Variants in CNBD2 observed in about 807,000 individuals in gnomAD.
CNBD2 encodes the protein cyclic nucleotide binding domain containing 2, also known as cyclic nucleotide-binding domain-containing protein 2.
In CNBD2, 64 loss-of-function variants were observed where a neutral mutation model predicts 63.7. The ratio of observed to expected loss-of-function variants is 1.00; its 90% CI spans 0.82 to 1.24. The LOEUF is 1.24. Ranked by LOEUF, CNBD2 falls within the 50% of genes most tolerant of loss-of-function variation. The probability of loss-of-function intolerance (pLI) is 0.00; values close to 1 mark genes in which losing one functional copy is unlikely to be tolerated. For missense variants in CNBD2, 691 were observed against 713.5 expected (o/e 0.97, Z 0.36); for synonymous variants, 229 against 255.4 (o/e 0.90, Z 0.99).
In CNBD2 at chr20:35,995,148, G is replaced by C. The variant is rs763280853; in HGVS notation, c.966G>C (p.Leu322=). Residue 322 remains leucine (L), a synonymous_variant, in exon 8 of 12, where the codon CTG becomes CTC. Transcript: ENST00000373973. Reference sequence around the variant, plus strand: ...ATGGCAGACCTCTGAAGACCCACCTGAGTGGTAAGCTGCCTTGGCCTGTCT... The same window carrying C: ...ATGGCAGACCTCTGAAGACCCACCTCAGTGGTAAGCTGCCTTGGCCTGTCT... ...LIDGRPLKTH[L]SEYSPMERFK... is the part of the protein sequence containing the mutation. 5.1e-5 allele frequency: 82 copies of C among 1,611,614 alleles called. No individual in the cohort carries two copies. Among genetic ancestry groups the C allele is most frequent in the Non-Finnish European group, 6.7e-5 (79 of 1,178,240 alleles).
chr20:35,975,146 C>T (rs1382072776), intron 2 of CNBD2, among the ~76,000 whole-genome samples: 1 of 134,590 alleles, frequency 7.4e-6, no homozygotes, highest in East Asian at 2.1e-4. Context: ...GGACTACAGG[C>T]GCCCGCTACC....
chr20:35,984,634 A>G lies in CNBD2; in HGVS notation c.572A>G (p.Asp191Gly). The G allele has an allele frequency of 6.2e-7, 1 of 1,614,124 alleles. No individual in the cohort carries two copies. Among genetic ancestry groups the G allele is most frequent in the South Asian group, 1.1e-5 (1 of 91,066 alleles). Residue 191 changes from aspartate to glycine, a missense_variant, in exon 6 of 12, where the codon GAC becomes GGC. Transcript: ENST00000373973. The stretch of plus-strand genomic sequence containing the variant: ...GCCCTGTCCACCCAACAGGAAATGG[A>G]CGTTCTGCATGCTTCAGTGAGGAGG... ...LHKGSCFGEM[D>G]VLHASVRRST...
At chr20:36,010,715 A>T (rs1172333429) in intron 9 of CNBD2, among the ~76,000 whole-genome samples, 2 of 151,980 alleles carry the variant, frequency 1.3e-5, no homozygotes, top group Non-Finnish European at 2.9e-5. Flanking sequence ...GTGAGCAGAG[A>T]TCCCATCAGT....
intron 11 of CNBD2, among the ~76,000 whole-genome samples, 187 bp downstream of exon 11, chr20:36,023,958 C>T (rs6142483): frequency 4.6e-5 from 7 of 152,192 alleles, no homozygotes; most frequent in African/African-American, 1.7e-4. Context: ...ATTTCAAGTG[C>T]TATAAAACTG....
intron 1 of CNBD2, among the ~76,000 whole-genome samples, chr20:35,969,841 T>C (rs150329815): frequency 6.6e-6 from 1 of 152,356 alleles, no homozygotes; most frequent in East Asian, 1.9e-4. Flanking sequence ...ATTCTTCCAT[T>C]GTGAAGTACA....
rs200105814 is a variant in CNBD2, at chr20:35,995,036, A to G, written c.856-2A>G. 32 of 1,611,748 alleles carry G rather than the reference A, an allele frequency of 2.0e-5. No individual in the cohort carries two copies. The Admixed American group carries it at 3.3e-4, about 17-fold the overall frequency. On this transcript the variant is annotated splice_acceptor_variant, in intron 7 of 11. Transcript: ENST00000373973. LOFTEE classifies it high-confidence loss of function. ...TTTTCCTATGTCCCTTGCTGTGTTC[A>G]GGGCAGCTGTGAAGTCCTGCGGCTG...
intron 8 of CNBD2, among the ~76,000 whole-genome samples, chr20:36,003,343 G>A (rs918566251): frequency 6.6e-6 from 1 of 152,068 alleles, no homozygotes; most frequent in African/African-American, 2.4e-5. Flanking sequence ...TAGGATGCTA[G>A]AAAATGTGAA....
At chr20:35,986,092 A>G (rs2056663762) in intron 6 of CNBD2, among the ~76,000 whole-genome samples, 1 of 152,236 alleles carries the variant, frequency 6.6e-6, no homozygotes, top group Non-Finnish European at 1.5e-5. Flanking sequence ...ATGTGCATGA[A>G]AGGCCACGTA....
chr20:35,965,183 C>CTTTT, upstream of CNBD2, among the ~76,000 whole-genome samples: 1 of 138,040 alleles, frequency 7.2e-6, no homozygotes, highest in South Asian at 2.3e-4. Flanking sequence ...CCCTCTCTCT[C>CTTTT]TTTTTTTTTT....
At chr20:35,994,996 CTTAGGGG>C in intron 7 of CNBD2, 35 bp from the exon 8 acceptor site, 2 of 1,413,518 alleles carry the variant, frequency 1.4e-6, no homozygotes, top group Non-Finnish European at 2.0e-6. Context: ...TACCTGGAGC[CTTAGGGG>C]TTAACCCTTT....
chr20:35,992,918 C>CA (rs1046153812), intron 7 of CNBD2, among the ~76,000 whole-genome samples: 1 of 151,924 alleles, frequency 6.6e-6, no homozygotes, highest in Non-Finnish European at 1.5e-5. Flanking sequence ...CACTAGAGGG[C>CA]AAAATCAGCT....
intron 3 of CNBD2, among the ~76,000 whole-genome samples, chr20:35,978,707 G>T (rs997214648): frequency 6.6e-6 from 1 of 152,034 alleles, no homozygotes; most frequent in Non-Finnish European, 1.5e-5. Context: ...GCCCAGGCTG[G>T]TTTCGAACTC....
intron 1 of CNBD2, among the ~76,000 whole-genome samples, chr20:35,970,971 G>A (rs1255244789): frequency 2.8e-5 from 4 of 140,972 alleles, no homozygotes; most frequent in East Asian, 4.2e-4. Flanking sequence ...TTTTTGAGAC[G>A]GAGTCTCGCT....
intron 4 of CNBD2, among the ~76,000 whole-genome samples, chr20:35,982,437 T>C (rs1448814307): frequency 6.6e-6 from 1 of 152,162 alleles, no homozygotes. Flanking sequence ...ACATTACCTA[T>C]GAAGTACACG....
At chr20:35,962,425 A>AT (rs936234133) in intron 2 of CNBD2, among the ~76,000 whole-genome samples, 5 of 151,756 alleles carry the variant, frequency 3.3e-5, no homozygotes, top group Non-Finnish European at 5.9e-5. Flanking sequence ...CGCCCAGCTA[A>AT]TTTTTTTTGT....
At chr20:36,029,233 C>T (rs1198949358) in intron 11 of CNBD2, among the ~76,000 whole-genome samples, 1 of 152,172 alleles carries the variant, frequency 6.6e-6, no homozygotes, top group Non-Finnish European at 1.5e-5. Context: ...TGGTGAATCC[C>T]TTAGCCTCAC....
At chr20:36,014,561 C>A (rs972184757) in intron 10 of CNBD2, among the ~76,000 whole-genome samples, 1 of 151,886 alleles carries the variant, frequency 6.6e-6, no homozygotes, top group African/African-American at 2.4e-5. Flanking sequence ...GAACTCCTGA[C>A]CTCATGGTCC....
chr20:36,009,948 G>A (rs957999819), intron 9 of CNBD2, among the ~76,000 whole-genome samples: 2 of 151,524 alleles, frequency 1.3e-5, no homozygotes, highest in African/African-American at 4.9e-5. Context: ...GAAAACCAAG[G>A]TACGGGGAGA....
At chr20:36,002,867 A>ACT (rs1194314510) in intron 8 of CNBD2, among the ~76,000 whole-genome samples, 1 of 151,928 alleles carries the variant, frequency 6.6e-6, no homozygotes, top group African/African-American at 2.4e-5. Flanking sequence ...CACTTTGAGA[A>ACT]CTCCAATTAC....
Sources: gnomAD v4.1 joint callset for allele counts (sites outside exome capture counted in the v4.1 genomes callset) on GRCh38, gnomAD v4.1.1 for gene constraint, MANE v1.5 for transcripts, NCBI Gene and HGNC (gene_info 2026-07-23, HGNC 2026-07-21) for gene names.